The following CENPP variants were observed in gnomAD, a reference collection of about 807,000 sequenced individuals.
CENPP encodes the protein centromere protein P.
Under a neutral mutation model 35.6 loss-of-function variants are expected in CENPP, and 24 were observed. The observed-to-expected ratio is 0.67, with a 90% CI of 0.49 to 0.95. The LOEUF (loss-of-function observed/expected upper bound fraction) is 0.95, where lower values mean the gene tolerates loss of function less well. Among genes scored for constraint, CENPP ranks in the 40% least tolerant of loss-of-function variants. CENPP has a pLI of 0.00. For synonymous variants in CENPP, 120 were observed against 125.5 expected (o/e 0.96, Z 0.29); for missense variants, 332 against 345.3 (o/e 0.96, Z 0.31).
chr9:92,369,742 G>C (rs1841966987), intron 4 of CENPP, among the ~76,000 whole-genome samples: 1 of 152,122 alleles, frequency 6.6e-6, no homozygotes, highest in Non-Finnish European at 1.5e-5. Context: ...GGTAGAGTCT[G>C]GGTTTTTCTA....
intron 5 of CENPP, chr9:92,600,623 C>A: frequency 6.5e-7 from 1 of 1,531,050 alleles, no homozygotes; most frequent in South Asian, 1.2e-5. Context: ...CAGCGCAAGT[C>A]ATGCCCTGGT....
At chr9:92,468,320 G>C (rs1207448620) in intron 5 of CENPP, among the ~76,000 whole-genome samples, 1 of 152,242 alleles carries the variant, frequency 6.6e-6, no homozygotes, top group African/African-American at 2.4e-5. Context: ...TGGTGAGCTG[G>C]CTGAGTGATC....
intron 5 of CENPP, chr9:92,538,962 A>G (rs1341576813): frequency 2.6e-5 from 4 of 152,082 alleles, no homozygotes; most frequent in African/African-American, 7.2e-5. Flanking sequence ...TAAGGATGCA[A>G]TTGTCTACCA....
chr9:92,500,538 A>G (rs997733354), intron 5 of CENPP, among the ~76,000 whole-genome samples: 1 of 152,242 alleles, frequency 6.6e-6, no homozygotes, highest in African/African-American at 2.4e-5. Flanking sequence ...GGAAAAGCTT[A>G]TAATGAATCC....
intron 5 of CENPP, among the ~76,000 whole-genome samples, chr9:92,536,869 A>T (rs796716057): frequency 0.11 from 15,406 of 141,474 alleles, 893 homozygotes; most frequent in Middle Eastern, 0.15. Flanking sequence ...TATTTTTTAA[A>T]TTTTTTTTTT....
At chr9:92,380,812 C>T (rs1350762753) in intron 5 of CENPP, among the ~76,000 whole-genome samples, 1 of 152,080 alleles carries the variant, frequency 6.6e-6, no homozygotes, top group Middle Eastern at 3.2e-3. Flanking sequence ...AGATGAATCA[C>T]CTAATGTTGC....
intron 5 of CENPP, among the ~76,000 whole-genome samples, chr9:92,434,724 AG>A (rs1844204631): frequency 6.6e-6 from 1 of 152,172 alleles, no homozygotes; most frequent in African/African-American, 2.4e-5. Flanking sequence ...CAGAGATGCA[AG>A]ATGATTCAGA....
chr9:92,393,390 G>A (rs1004682783), intron 5 of CENPP: 20 of 602,944 alleles, frequency 3.3e-5, no homozygotes, highest in African/African-American at 2.6e-4. Context: ...ATGGTAACTC[G>A]TTACCTATAT....
intron 5 of CENPP, among the ~76,000 whole-genome samples, chr9:92,461,264 TG>T (rs1845099371): frequency 6.6e-6 from 1 of 152,234 alleles, no homozygotes; most frequent in South Asian, 2.1e-4. Context: ...TTTTGTTTTT[TG>T]TTTTTTAACA....
rs1319134733 is a variant in CENPP at position 92,618,164 on chromosome 9, C to T, written c.*5015C>T. On this transcript the variant is annotated 3_prime_UTR_variant, in exon 8 of 8. Transcript: ENST00000375587. ...GGCCCAGCCCCACACGCCATGTTCT[C>T]GGAGGAGAAGCCTTCTCTGAGATCC... is the stretch of plus-strand genomic sequence containing the variant. The T allele has an allele frequency of 1.1e-5, 5 of 451,382 alleles. No individual in the cohort carries two copies. Among genetic ancestry groups the T allele is most frequent in the East Asian group, 7.0e-5 (1 of 14,302 alleles). The allele number at this position is 451,382 out of a possible 1,614,324, so 28.0% of individuals were successfully genotyped here.
chr9:92,358,768 T>C (rs866252703), intron 4 of CENPP, among the ~76,000 whole-genome samples: 1 of 152,074 alleles, frequency 6.6e-6, no homozygotes, highest in African/African-American at 2.4e-5. Context: ...TTGATATTTC[T>C]ATTGTGTTCC....
At chr9:92,334,727 A>G (rs1256324153) in intron 2 of CENPP, among the ~76,000 whole-genome samples, 2 of 152,008 alleles carry the variant, frequency 1.3e-5, no homozygotes, top group African/African-American at 2.4e-5. Context: ...TAAAAATACA[A>G]CAATTAGCTA....
chr9:92,535,352 G>A (rs1849104537), intron 5 of CENPP, among the ~76,000 whole-genome samples: 1 of 152,104 alleles, frequency 6.6e-6, no homozygotes, highest in South Asian at 2.1e-4. Flanking sequence ...TCGTAATTGA[G>A]TGTTTGCCTC....
intron 5 of CENPP, among the ~76,000 whole-genome samples, chr9:92,536,353 T>C (rs1365564587): frequency 6.6e-6 from 1 of 152,170 alleles, no homozygotes; most frequent in Non-Finnish European, 1.5e-5. Flanking sequence ...ATGATGTCAC[T>C]TGAGCTTTAT....
At chr9:92,458,153 G>A (rs952255574) in intron 5 of CENPP, among the ~76,000 whole-genome samples, 12 of 152,150 alleles carry the variant, frequency 7.9e-5, no homozygotes, top group East Asian at 3.8e-4. Flanking sequence ...TTTACAGGCC[G>A]TGTACATGTC....
Position 92,593,417 on chromosome 9 carries a change from TTACTC to T in CENPP, c.565-17894_565-17890del, listed in dbSNP as rs1178409179. ...TGAACCAGAAATATTTTTACTGAAA[TTACTC>T]TAGGAAAGCAAAGCCGTTTTAGGAC... On this transcript the variant is annotated intron_variant, in intron 5 of 7. Transcript: ENST00000375587. The surrounding 1 kb of genome is among the most constrained non-coding windows in gnomAD (Gnocchi z 4.1). Among the ~76,000 whole-genome samples, 2 of 152,206 alleles carry T rather than the reference TTACTC, an allele frequency of 1.3e-5. No homozygotes were observed. The highest frequency in any genetic ancestry group is 2.4e-5 in the African/African-American group (1 of 41,450).
At chr9:92,485,073 A>G (rs944271597) in intron 5 of CENPP, among the ~76,000 whole-genome samples, 2 of 152,232 alleles carry the variant, frequency 1.3e-5, no homozygotes, top group African/African-American at 4.8e-5. Flanking sequence ...GGGCTGTGAC[A>G]TGGAAAGCTT....
chr9:92,604,702 C>T (rs561388560), intron 5 of CENPP, among the ~76,000 whole-genome samples: 2 of 152,272 alleles, frequency 1.3e-5, no homozygotes, highest in East Asian at 1.9e-4. Flanking sequence ...TCAAGCAATT[C>T]TCCTGCCTCA....
intron 3 of CENPP, among the ~76,000 whole-genome samples, chr9:92,341,307 T>A (rs1841110857): frequency 6.6e-6 from 1 of 152,304 alleles, no homozygotes; most frequent in Non-Finnish European, 1.5e-5. Flanking sequence ...TGCCTCCACT[T>A]GCCTTGTGAT....
Sources: gnomAD v4.1 joint callset for allele counts (sites outside exome capture counted in the v4.1 genomes callset) on GRCh38, gnomAD v4.1.1 for gene constraint, Gnocchi (gnomAD v3.1) non-coding constraint, MANE v1.5 for transcripts, NCBI Gene and HGNC (gene_info 2026-07-23, HGNC 2026-07-21) for gene names.